APP: variants seen among roughly 807,000 people sequenced by gnomAD.
The protein encoded by APP is amyloid beta precursor protein, also known as amyloid-beta precursor protein.
Under a neutral mutation model 101.4 loss-of-function variants are expected in APP, and 31 were observed. The ratio of observed to expected loss-of-function variants is 0.31; its 90% CI spans 0.23 to 0.41. APP has a LOEUF of 0.41. Among genes scored for constraint, APP ranks in the 10% least tolerant of loss-of-function variants. The pLI is 1.00. For synonymous variants in APP, 366 were observed against 364.4 expected (o/e 1.00, Z -0.05); for missense variants, 839 against 1,003.7 (o/e 0.84, Z 2.22).
chr21:25,917,288 G>A (rs2039400345), intron 13 of APP, among the ~76,000 whole-genome samples: 1 of 149,798 alleles, frequency 6.7e-6, no homozygotes, highest in South Asian at 2.1e-4. Flanking sequence ...AAAATGCTTT[G>A]AGGATGTATA....
chr21:26,156,974 C>G (rs1214096710), intron 1 of APP, among the ~76,000 whole-genome samples: 1 of 152,154 alleles, frequency 6.6e-6, no homozygotes, highest in African/African-American at 2.4e-5. Flanking sequence ...CACAAATTTT[C>G]ATGTGTTTTT....
At chr21:26,061,069 T>A (rs1404063824) in intron 3 of APP, among the ~76,000 whole-genome samples, 1 of 152,174 alleles carries the variant, frequency 6.6e-6, no homozygotes, top group Admixed American at 6.5e-5. Flanking sequence ...CTGGCATTAA[T>A]CCAGGTGGGA....
At chr21:26,102,128 G>A (rs1308805463) in intron 2 of APP, among the ~76,000 whole-genome samples, 8 of 116,196 alleles carry the variant, frequency 6.9e-5, no homozygotes, top group East Asian at 5.3e-4. Context: ...CGCTCTTGTC[G>A]CCCAGGCTGG....
chr21:25,924,420 AAAAAAAAGG>A (rs1271831941), intron 13 of APP, among the ~76,000 whole-genome samples: 3 of 102,684 alleles, frequency 2.9e-5, no homozygotes, highest in Non-Finnish European at 6.1e-5. Flanking sequence ...ACAAAAAAAA[AAAAAAAAGG>A]AAAAAAAAAA....
chr21:26,092,170 G>T (rs527702034), intron 2 of APP, among the ~76,000 whole-genome samples: 1 of 152,144 alleles, frequency 6.6e-6, no homozygotes, highest in East Asian at 1.9e-4. Context: ...CAGTAATTTT[G>T]ATTTTTAAAA....
chr21:26,079,044 C>A (rs374851805), intron 3 of APP, among the ~76,000 whole-genome samples: 229 of 114,280 alleles, frequency 2.0e-3, no homozygotes, highest in Admixed American at 2.5e-3. Flanking sequence ...AACTCCATCT[C>A]AAAAAAAAAA....
intron 1 of APP, among the ~76,000 whole-genome samples, chr21:26,155,574 T>C (rs2063358776): frequency 6.6e-6 from 1 of 152,222 alleles, no homozygotes; most frequent in Non-Finnish European, 1.5e-5. Context: ...GGAATCTGTA[T>C]GGAATACAGA....
At chr21:25,961,446 TAACA>T (rs2041574361) in intron 11 of APP, among the ~76,000 whole-genome samples, 1 of 152,196 alleles carries the variant, frequency 6.6e-6, no homozygotes, top group Non-Finnish European at 1.5e-5. Flanking sequence ...TTCACATAGA[TAACA>T]GTTCCCTATA....
chr21:26,146,273 T>C (rs2063152965), intron 1 of APP, among the ~76,000 whole-genome samples: 1 of 152,066 alleles, frequency 6.6e-6, no homozygotes, highest in South Asian at 2.1e-4. Context: ...GAGGCAGAGG[T>C]TGCAGTGAGT....
chr21:26,156,233 T>C (rs1220035727), intron 1 of APP, among the ~76,000 whole-genome samples: 3 of 152,194 alleles, frequency 2.0e-5, no homozygotes, highest in Non-Finnish European at 4.4e-5. Flanking sequence ...ATAACTAAAA[T>C]GAACTCGTAT....
chr21:26,072,117 T>C (rs1038252697), intron 3 of APP, among the ~76,000 whole-genome samples: 3 of 152,232 alleles, frequency 2.0e-5, no homozygotes, highest in African/African-American at 7.2e-5. Flanking sequence ...GGAAAACAGC[T>C]AATGGGTTAA....
At chr21:26,002,702 T>C (rs994088743) in intron 6 of APP, among the ~76,000 whole-genome samples, 2 of 152,234 alleles carry the variant, frequency 1.3e-5, no homozygotes, top group Admixed American at 6.5e-5. Flanking sequence ...CTTCACCCCA[T>C]AGTCACGGGA....
chr21:26,166,134 G>C (rs1016300872), intron 1 of APP, among the ~76,000 whole-genome samples: 2 of 152,096 alleles, frequency 1.3e-5, no homozygotes, highest in African/African-American at 2.4e-5. Context: ...TGAAAAAATA[G>C]TTACATAACA....
intron 11 of APP, among the ~76,000 whole-genome samples, chr21:25,970,732 A>G (rs2042000251): frequency 6.6e-6 from 1 of 152,132 alleles, no homozygotes; most frequent in South Asian, 2.1e-4. Flanking sequence ...CTCCCTTCCC[A>G]GCAGTGTCAC....
At position 25,944,079 on chromosome 21, in the gene APP, C is replaced by T. The variant is rs145737933; in HGVS notation, c.1687+10511G>A. Among the ~76,000 whole-genome samples the T allele has an allele frequency of 3.5e-4, 53 of 151,996 alleles. 1 individual carries two copies. The East Asian group carries it at 9.4e-3, about 27-fold the overall frequency. ...AAAGACACAAAAGGCATGTACAAGA[C>T]AATACAAGTTGTTGCCAAGCACTGT... On this transcript the variant is annotated intron_variant, in intron 13 of 17. Transcript: ENST00000346798.
intron 3 of APP, among the ~76,000 whole-genome samples, chr21:26,070,533 G>C (rs991313068): frequency 6.6e-6 from 1 of 152,144 alleles, no homozygotes; most frequent in Non-Finnish European, 1.5e-5. Flanking sequence ...GTCTACACCT[G>C]CTGAGGCTCA....
intron 17 of APP, among the ~76,000 whole-genome samples, chr21:25,888,113 C>G (rs373958790): frequency 6.5e-4 from 99 of 152,268 alleles, no homozygotes; most frequent in South Asian, 3.7e-3. Context: ...TCCTGAGTGA[C>G]TGAGGTGAGT....
intron 13 of APP, among the ~76,000 whole-genome samples, chr21:25,939,604 AT>A (rs1569082368): frequency 6.6e-6 from 1 of 152,198 alleles, no homozygotes; most frequent in East Asian, 1.9e-4. Context: ...AGACTACTGG[AT>A]TACCAAGTTC....
chr21:26,019,382 T>G (rs948297936), intron 6 of APP, among the ~76,000 whole-genome samples: 1 of 152,160 alleles, frequency 6.6e-6, no homozygotes, highest in Admixed American at 6.5e-5. Context: ...AATCCACTGG[T>G]AGACACACCA....
Sources: gnomAD v4.1 joint callset for allele counts (sites outside exome capture counted in the v4.1 genomes callset) on GRCh38, gnomAD v4.1.1 for gene constraint, MANE v1.5 for transcripts, NCBI Gene and HGNC (gene_info 2026-07-23, HGNC 2026-07-21) for gene names.